Variants in ITGB2 observed in about 807,000 individuals in gnomAD.
ITGB2 encodes integrin beta-2.
Under a neutral mutation model 86.8 loss-of-function variants are expected in ITGB2, and 56 were observed. That is an observed-to-expected ratio of 0.65 (90% CI 0.52 to 0.81). The LOEUF is 0.81. Among genes scored for constraint, ITGB2 ranks in the 30% least tolerant of loss-of-function variants. The pLI, the probability that ITGB2 is intolerant of heterozygous loss-of-function variation, is 0.00. For synonymous variants in ITGB2, 457 were observed against 450.4 expected (o/e 1.01, Z -0.19); for missense variants, 948 against 1,061.2 (o/e 0.89, Z 1.48).
intron 8 of ITGB2, among the ~76,000 whole-genome samples, chr21:44,896,343 G>A (rs772455804): frequency 1.1e-4 from 16 of 152,236 alleles, no homozygotes; most frequent in Admixed American, 5.9e-4. Context: ...ACTCTACTGA[G>A]TTTCCATGGG....
intron 7 of ITGB2, 60 bp downstream of exon 7, chr21:44,900,260 G>T: frequency 1.2e-6 from 2 of 1,606,030 alleles, no homozygotes; most frequent in South Asian, 2.2e-5. Context: ...CCCCACCCTT[G>T]TCTCCTCCGT....
intron 8 of ITGB2, among the ~76,000 whole-genome samples, 154 bp downstream of exon 8, chr21:44,898,913 G>T (rs1319490823): frequency 4.6e-5 from 7 of 152,188 alleles, no homozygotes. Flanking sequence ...GAAGCCTCGG[G>T]CTCCTCACCT....
Position 44,910,354 on chromosome 21 carries a change from G to A in ITGB2, c.77C>T (p.Thr26Met), listed in dbSNP as rs148038936. 33 of 1,614,016 alleles carry A rather than the reference G, an allele frequency of 2.0e-5. No individual in the cohort carries two copies. The highest frequency in any genetic ancestry group is 2.3e-5 in the Non-Finnish European group (27 of 1,180,030). The change falls in exon 3 of 16, where the codon ACG (threonine) becomes ATG (methionine). Residue 26 changes from threonine (T) to methionine (M), a missense_variant. Coordinates refer to ENST00000652462, the MANE Select transcript of ITGB2 (RefSeq NM_000211.5). ...CCGGCAGCTGCTGACCTTGAACTTC[G>A]TGCACTCCTGAGAGAGGACTGAGGG... The part of the protein sequence containing the change: ...SLGCVLSQEC[T>M]KFKVSSCREC...
rs1439452181 is a variant in ITGB2 at position 44,910,785 on chromosome 21, C to A, written c.-3G>T. 3 of 1,613,000 alleles carry A rather than the reference C, an allele frequency of 1.9e-6. No homozygotes were observed. Among genetic ancestry groups the A allele is most frequent in the South Asian group, 2.2e-5 (2 of 90,876 alleles). Reference sequence around the variant, plus strand: ...AGTGGGGGGCGCAGGCCCAGCATGTCCTGTGGAGGGAAGGGGTCTTGGTGA... The same window carrying A: ...AGTGGGGGGCGCAGGCCCAGCATGTACTGTGGAGGGAAGGGGTCTTGGTGA... On this transcript the variant is annotated splice_region_variant and 5_prime_UTR_variant, in exon 2 of 16. Transcript: ENST00000652462.
chr21:44,896,830 A>G (rs1438500304), intron 8 of ITGB2, among the ~76,000 whole-genome samples: 1 of 152,274 alleles, frequency 6.6e-6, no homozygotes, highest in African/African-American at 2.4e-5. Flanking sequence ...AAGGCTCAGC[A>G]GTAGGCATGG....
chr21:44,901,595 T>C lies in ITGB2; in HGVS notation c.638A>G (p.Asn213Ser). 1 of 1,614,076 alleles carries C rather than the reference T, an allele frequency of 6.2e-7. No individual in the cohort carries two copies. The highest frequency in any genetic ancestry group is 8.5e-7 in the Non-Finnish European group (1 of 1,180,004). Residue 213 changes from asparagine to serine, a missense_variant, in exon 6 of 16, where the codon AAC (asparagine) becomes AGC (serine). Physicochemically the swap from Asn to Ser is conservative, Grantham distance 46 (BLOSUM62 1). Coordinates refer to ENST00000652462, the MANE Select transcript of ITGB2 (RefSeq NM_000211.5). ...GACCTCGGTCTGAAACTGGTTGGAG[T>C]TGTTGGTCAGCTTCAGCACGTGCCT... ...AFRHVLKLTN[N>S]SNQFQTEVGK...
At chr21:44,912,159 T>G (rs1002657718) in intron 1 of ITGB2, among the ~76,000 whole-genome samples, 2 of 152,196 alleles carry the variant, frequency 1.3e-5, no homozygotes, top group African/African-American at 4.8e-5. Context: ...GGGGCGTTCC[T>G]GCCCCACACC....
At position 44,886,913 on chromosome 21, in the gene ITGB2, A is replaced by G; in HGVS notation, c.2081-11T>C. The G allele has an allele frequency of 6.2e-7, 1 of 1,611,980 alleles. No individual in the cohort carries two copies. Among genetic ancestry groups the G allele is most frequent in the Non-Finnish European group, 8.5e-7 (1 of 1,179,958 alleles). On this transcript the variant is annotated splice_polypyrimidine_tract_variant and intron_variant, in intron 14 of 15. Coordinates refer to ENST00000652462, the MANE Select transcript of ITGB2 (RefSeq NM_000211.5). ...GGCCTGCCACACACTCTAGGGAAGA[A>G]GCAGCACACCTGAGCGTCAGTCCAG...
At chr21:44,926,786 A>G (rs913413546) in intron 1 of ITGB2, 1 of 152,278 alleles carries the variant, frequency 6.6e-6, no homozygotes, top group Non-Finnish European at 1.5e-5. Context: ...ATTTGCAGTC[A>G]CTTTCACTTA....
At chr21:44,903,582 C>G (rs1432338180) in intron 4 of ITGB2, 47 bp from the exon 5 acceptor site, 1 of 1,610,452 alleles carries the variant, frequency 6.2e-7, no homozygotes, top group South Asian at 1.1e-5. Context: ...ACATCTCACA[C>G]AGGGTGTCTG....
At chr21:44,899,968 G>A (rs535313666) in intron 7 of ITGB2, among the ~76,000 whole-genome samples, 3 of 152,362 alleles carry the variant, frequency 2.0e-5, no homozygotes, top group Admixed American at 6.5e-5. Context: ...ATGGGACCCT[G>A]GCCAGAGGCG....
intron 4 of ITGB2, 123 bp from the exon 5 acceptor site, chr21:44,903,658 C>T (rs2084000216): frequency 1.8e-6 from 2 of 1,100,570 alleles, no homozygotes; most frequent in Non-Finnish European, 2.7e-6. Context: ...ATCCTCCTGA[C>T]CTCCCCTCTC....
intron 9 of ITGB2, chr21:44,894,742 G>C: frequency 1.7e-6 from 1 of 590,456 alleles, no homozygotes; most frequent in Non-Finnish European, 3.1e-6. Context: ...TCAGGTTTCA[G>C]GGAGCATCGC....
chr21:44,910,845 AT>A (rs1439939907), intron 1 of ITGB2, 60 bp from the exon 2 acceptor site: 1 of 1,537,706 alleles, frequency 6.5e-7, no homozygotes, highest in African/African-American at 1.4e-5. Context: ...CTGACCACCC[AT>A]GAAGCTCCCC....
At chr21:44,908,415 T>C (rs2084077985) in intron 3 of ITGB2, among the ~76,000 whole-genome samples, 1 of 152,068 alleles carries the variant, frequency 6.6e-6, no homozygotes, top group African/African-American at 2.4e-5. Flanking sequence ...ATTATTATTA[T>C]TATTATTAAC....
At chr21:44,913,972 G>A (rs922328213) in intron 1 of ITGB2, among the ~76,000 whole-genome samples, 2 of 152,124 alleles carry the variant, frequency 1.3e-5, no homozygotes, top group African/African-American at 4.8e-5. Context: ...AGGGCAGGAG[G>A]GGAGGAAGAG....
chr21:44,899,450 C>T (rs2083915624), intron 7 of ITGB2, among the ~76,000 whole-genome samples: 1 of 152,232 alleles, frequency 6.6e-6, no homozygotes, highest in Admixed American at 6.5e-5. Flanking sequence ...CAGCCTTCCC[C>T]ACACGGTGGA....
chr21:44,915,522 G>A (rs1197389932), intron 1 of ITGB2, among the ~76,000 whole-genome samples: 3 of 152,216 alleles, frequency 2.0e-5, no homozygotes, highest in Non-Finnish European at 4.4e-5. Context: ...ATGCCGCCAG[G>A]GGACAAGGTT....
chr21:44,899,800 C>G (rs891273021), intron 7 of ITGB2, among the ~76,000 whole-genome samples: 2 of 152,240 alleles, frequency 1.3e-5, no homozygotes, highest in Non-Finnish European at 2.9e-5. Flanking sequence ...GGCTCCTTCT[C>G]GCCTCTGTCC....
Sources: gnomAD v4.1 joint callset for allele counts (sites outside exome capture counted in the v4.1 genomes callset) on GRCh38, gnomAD v4.1.1 for gene constraint, MANE v1.5 for transcripts, NCBI Gene and HGNC (gene_info 2026-07-23, HGNC 2026-07-21) for gene names.